The following RMND5A variants were observed in gnomAD, a reference collection of about 807,000 sequenced individuals.
The protein encoded by RMND5A is E3 ubiquitin-protein transferase RMND5A.
Under a neutral mutation model 49.7 loss-of-function variants are expected in RMND5A, and 17 were observed. The observed-to-expected ratio is 0.34, with a 90% CI of 0.23 to 0.51. The LOEUF is 0.51. Ranked by LOEUF, RMND5A falls within the 20% of genes least tolerant of loss-of-function variation. The pLI is 0.96. For synonymous variants in RMND5A, 156 were observed against 167.7 expected, an observed-to-expected ratio of 0.93 and a Z score of 0.54; for missense variants, 255 against 471.3, an observed-to-expected ratio of 0.54 and a Z score of 4.25.
chr2:86,764,928 C>A, intron 4 of RMND5A, 99 bp from the exon 5 acceptor site: 1 of 1,164,186 alleles, frequency 8.6e-7, no homozygotes, highest in Non-Finnish European at 1.2e-6. Flanking sequence ...CACAAGATGG[C>A]AGACCAAGCC....
rs909466487 is a variant in RMND5A, at chr2:86,777,543, C to G, written c.*4132C>G. 6.6e-6 allele frequency: 1 copy of G among 152,210 alleles called. No individual in the cohort carries two copies. The highest frequency in any genetic ancestry group is 6.5e-5 in the Admixed American group (1 of 15,284). 9.4% of individuals were successfully genotyped at this position (152,210 alleles called of 1,614,324 possible). A position where few individuals can be genotyped will look rare whatever the true frequency, so the allele number is the denominator to read the frequency against. ...TCCTTCTCTGTGTTTTCTAAACTTA[C>G]ACTAAAGGATTCATCAAATCATCTT... On this transcript the variant is annotated 3_prime_UTR_variant, in exon 9 of 9. Coordinates refer to ENST00000283632, the MANE Select transcript of RMND5A (RefSeq NM_022780.4).
chr2:86,747,421 C>T (rs1261106591), intron 2 of RMND5A, among the ~76,000 whole-genome samples: 3 of 152,118 alleles, frequency 2.0e-5, no homozygotes, highest in Admixed American at 6.5e-5. Flanking sequence ...GGTTTGTATG[C>T]GAAGTAGCTA....
chr2:86,759,286 G>A lies in RMND5A; in HGVS notation c.521+5728G>A, dbSNP rs535433662. ...AACTGTGTGCCAAGTCTTTTCACAGGCCTGACAATTAAGATAATTAATGCT... is the reference window on the plus strand; with the variant it reads ...AACTGTGTGCCAAGTCTTTTCACAGACCTGACAATTAAGATAATTAATGCT... On this transcript the variant is annotated intron_variant, in intron 4 of 8. Coordinates refer to ENST00000283632, the MANE Select transcript of RMND5A (RefSeq NM_022780.4). Among the ~76,000 whole-genome samples, 3 of 152,226 alleles carry A rather than the reference G, an allele frequency of 2.0e-5. No individual in the cohort carries two copies. The East Asian group carries it at 5.8e-4, about 29-fold the overall frequency.
At chr2:86,758,165 A>G (rs1299474818) in intron 4 of RMND5A, among the ~76,000 whole-genome samples, 1 of 18,120 alleles carries the variant, frequency 5.5e-5, no homozygotes, top group Non-Finnish European at 1.2e-4. Context: ...AAAAGGCACA[A>G]CAAGATAAAA....
chr2:86,766,055 G>A (rs1286754824), intron 6 of RMND5A, 31 bp downstream of exon 6: 2 of 1,580,094 alleles, frequency 1.3e-6, no homozygotes, highest in African/African-American at 2.7e-5. Context: ...TGTTATTGAA[G>A]TATGCACTGC....
intron 4 of RMND5A, among the ~76,000 whole-genome samples, chr2:86,758,790 C>T (rs1044687513): frequency 6.6e-6 from 1 of 152,168 alleles, no homozygotes; most frequent in Non-Finnish European, 1.5e-5. Flanking sequence ...AGAAATGAAA[C>T]ACTGAGTGTT....
intron 1 of RMND5A, among the ~76,000 whole-genome samples, chr2:86,721,521 T>G (rs2674827): frequency 2.5e-4 from 38 of 151,910 alleles, no homozygotes; most frequent in Admixed American, 4.6e-4. Flanking sequence ...CCAAGTAAAT[T>G]GTGCACATGT....
chr2:86,753,995 GCTA>G (rs1379811536), intron 4 of RMND5A, among the ~76,000 whole-genome samples: 2 of 152,158 alleles, frequency 1.3e-5, no homozygotes, highest in Non-Finnish European at 2.9e-5. Flanking sequence ...TTTTTATAAA[GCTA>G]CTCTATTCTT....
At chr2:86,771,483 C>G (rs993576152) in intron 7 of RMND5A, 75 bp from the exon 8 acceptor site, 2 of 1,306,336 alleles carry the variant, frequency 1.5e-6, no homozygotes, top group African/African-American at 3.0e-5. Flanking sequence ...CTTTGCTGCA[C>G]AGTGTATATT....
At position 86,771,542 on chromosome 2, in the gene RMND5A, T is replaced by C; in HGVS notation, c.958-16T>C. 1 of 1,584,492 alleles carries C rather than the reference T, an allele frequency of 6.3e-7. No individual in the cohort carries two copies. Among genetic ancestry groups the C allele is most frequent in the East Asian group, 2.2e-5 (1 of 44,704 alleles). ...TATGACTTCAGCTTTTTTACTTTTT[T>C]TTTTTTTTTTAACAGATTGAAGTGG... On this transcript the variant is annotated splice_polypyrimidine_tract_variant and intron_variant, in intron 7 of 8. Transcript: ENST00000283632.
chr2:86,755,277 C>T (rs982557484), intron 4 of RMND5A, among the ~76,000 whole-genome samples: 1 of 152,178 alleles, frequency 6.6e-6, no homozygotes, highest in Non-Finnish European at 1.5e-5. Context: ...CACCACCACA[C>T]CTGGCTAATT....
intron 4 of RMND5A, among the ~76,000 whole-genome samples, chr2:86,754,911 A>C (rs182928384): frequency 3.9e-5 from 6 of 152,212 alleles, no homozygotes; most frequent in African/African-American, 1.4e-4. Flanking sequence ...AGCCCAGATG[A>C]CTAGACAGAA....
chr2:86,762,656 AT>A (rs60255556), intron 4 of RMND5A, among the ~76,000 whole-genome samples: 8 of 112,774 alleles, frequency 7.1e-5, no homozygotes, highest in East Asian at 2.8e-4. Context: ...AAAAAAAAAA[AT>A]ATTTTTTTAT....
intron 4 of RMND5A, among the ~76,000 whole-genome samples, chr2:86,759,612 G>GC (rs144501224): frequency 0.29 from 42,329 of 145,506 alleles, 6,690 homozygotes; most frequent in East Asian, 0.64. Context: ...TAGTTTGCTT[G>GC]CCCCCCCGCC....
chr2:86,768,529 T>C (rs766316678), intron 6 of RMND5A, among the ~76,000 whole-genome samples: 1 of 152,152 alleles, frequency 6.6e-6, no homozygotes, highest in Admixed American at 6.5e-5. Context: ...AACAGCAGGA[T>C]TGGGCAGAGA....
Position 86,777,437 on chromosome 2 carries a change from C to G in RMND5A, c.*4026C>G, listed in dbSNP as rs1672787905. ...AGTGAGTGTGCATGTGTCTGAAGTT[C>G]ACCATTGCCCCCACCTGCACCTAGC... On this transcript the variant is annotated 3_prime_UTR_variant, in exon 9 of 9. Coordinates refer to ENST00000283632, the MANE Select transcript of RMND5A (RefSeq NM_022780.4). 2 of 152,226 alleles carry G rather than the reference C, an allele frequency of 1.3e-5. No individual in the cohort carries two copies. The highest frequency in any genetic ancestry group is 4.8e-5 in the African/African-American group (2 of 41,526). 9.4% of individuals were successfully genotyped at this position (152,226 alleles called of 1,614,324 possible).
chr2:86,761,370 A>G (rs1037122351), intron 4 of RMND5A, among the ~76,000 whole-genome samples: 32 of 152,196 alleles, frequency 2.1e-4, no homozygotes, highest in African/African-American at 7.7e-4. Flanking sequence ...AATAAAACCT[A>G]TGCTTATTTG....
At chr2:86,764,608 C>T (rs924784106) in intron 4 of RMND5A, among the ~76,000 whole-genome samples, 2 of 152,196 alleles carry the variant, frequency 1.3e-5, no homozygotes, top group African/African-American at 4.8e-5. Context: ...AATCTTGCAA[C>T]TATTGAAAGT....
At chr2:86,721,141 G>T (rs972422754) in intron 1 of RMND5A, 3 of 256,718 alleles carry the variant, frequency 1.2e-5, no homozygotes, top group Non-Finnish European at 2.2e-5. Flanking sequence ...CTCGTCCCCC[G>T]CTCCCAGCCG....
Sources: allele counts gnomAD v4.1 joint callset (sites outside exome capture counted in the v4.1 genomes callset), GRCh38; gene constraint gnomAD v4.1.1; transcripts MANE v1.5; gene names NCBI Gene and HGNC (gene_info 2026-07-23, HGNC 2026-07-21).